RNFT2: variants seen among roughly 807,000 people sequenced by gnomAD.
The protein encoded by RNFT2 is ring finger protein, transmembrane 2.
A neutral mutation model predicts 53.0 loss-of-function variants in RNFT2; 36 were observed. The ratio of observed to expected loss-of-function variants is 0.68; its 90% CI spans 0.52 to 0.90. The LOEUF (loss-of-function observed/expected upper bound fraction) is 0.90. RNFT2 is among the 40% of genes least tolerant of loss of function. The pLI is 0.00. For missense variants in RNFT2, 514 were observed against 585.6 expected (o/e 0.88, Z 1.26); for synonymous variants, 260 against 253.2 (o/e 1.03, Z -0.26).
At chr12:116,808,376 C>T (rs1875189082) in intron 7 of RNFT2, among the ~76,000 whole-genome samples, 1 of 152,216 alleles carries the variant, frequency 6.6e-6, no homozygotes, top group Non-Finnish European at 1.5e-5. Flanking sequence ...AGGTGCGAGC[C>T]GCTGCATCCA....
At chr12:116,754,145 G>A in intron 5 of RNFT2, 85 bp downstream of exon 5, 1 of 1,067,358 alleles carries the variant, frequency 9.4e-7, no homozygotes, top group East Asian at 2.4e-5. Flanking sequence ...CAAGTCTCCA[G>A]AGTTCATTGT....
intron 6 of RNFT2, among the ~76,000 whole-genome samples, chr12:116,775,276 A>AG (rs1440223355): frequency 6.8e-6 from 1 of 146,038 alleles, no homozygotes; most frequent in African/African-American, 2.6e-5. Context: ...AAAAAAAAAA[A>AG]AAAGAGAGAG....
chr12:116,848,098 T>C (rs1429993398), intron 10 of RNFT2, among the ~76,000 whole-genome samples: 1 of 152,142 alleles, frequency 6.6e-6, no homozygotes, highest in African/African-American at 2.4e-5. Flanking sequence ...CATGTGGTGT[T>C]TGGTTTTCTG....
intron 3 of RNFT2, among the ~76,000 whole-genome samples, chr12:116,743,507 G>T (rs1871747551): frequency 1.3e-5 from 2 of 152,146 alleles, no homozygotes; most frequent in African/African-American, 2.4e-5. Context: ...AGCTTGGGCA[G>T]TCTGCCCACC....
chr12:116,740,624 C>T, intron 2 of RNFT2, 103 bp downstream of exon 2: 2 of 1,044,768 alleles, frequency 1.9e-6, no homozygotes, highest in East Asian at 2.6e-5. Flanking sequence ...CCATGTAACA[C>T]ATGGGGAATC....
chr12:116,750,222 G>C lies in RNFT2; in HGVS notation c.465G>C (p.Glu155Asp). 1 of 1,607,072 alleles carries C rather than the reference G, an allele frequency of 6.2e-7. No individual in the cohort carries two copies. Among genetic ancestry groups the C allele is most frequent in the Non-Finnish European group, 8.5e-7 (1 of 1,179,168 alleles). ...QPGTPAPALS[E>D]LKAVICWLQK... ...GGACGCCCGCCCCCGCCCTGTCCGA[G>C]CTGAAGGCTGTGATCTGCTGGCTCC... The change falls in exon 4 of 11, where the codon GAG becomes GAC. Residue 155 changes from glutamate to aspartate, a missense_variant. This residue lies in a region of RNFT2 where 237 missense variants were observed against 235.1 expected (regional missense o/e 1.01). Transcript: ENST00000257575.
chr12:116,816,115 G>A (rs1042771448), intron 7 of RNFT2, among the ~76,000 whole-genome samples: 1 of 152,224 alleles, frequency 6.6e-6, no homozygotes, highest in Admixed American at 6.5e-5. Context: ...ACAGAGGGAA[G>A]AGAACGCCTT....
chr12:116,797,938 T>A (rs903568890), intron 7 of RNFT2, among the ~76,000 whole-genome samples: 1 of 152,126 alleles, frequency 6.6e-6, no homozygotes, highest in Non-Finnish European at 1.5e-5. Flanking sequence ...ATGGCAATGG[T>A]AAACTAACAT....
In RNFT2 at chr12:116,779,323, A is replaced by G; in HGVS notation, c.857A>G (p.Lys286Arg). 6.2e-7 allele frequency: 1 copy of G among 1,614,006 alleles called. No homozygotes were observed. The highest frequency in any genetic ancestry group is 8.5e-7 in the Non-Finnish European group (1 of 1,179,874). Residue 286 changes from lysine to arginine, a missense_variant, in exon 7 of 11, where the codon AAG (lysine) becomes AGG (arginine). Physicochemically the swap from Lys to Arg is conservative, Grantham distance 26. This residue lies in a region of RNFT2 where 273 missense variants were observed against 334.4 expected (regional missense o/e 0.82). Transcript: ENST00000257575. The stretch of plus-strand genomic sequence containing the variant: ...AAGTGCCTCATCGTGGCCCTGCCCA[A>G]GATCATCCTGGCTGTCAAGTCCAAG... ...ALKCLIVALP[K>R]IILAVKSKGK...
At chr12:116,744,838 T>G (rs891813843) in intron 3 of RNFT2, among the ~76,000 whole-genome samples, 1 of 152,112 alleles carries the variant, frequency 6.6e-6, no homozygotes, top group Non-Finnish European at 1.5e-5. Flanking sequence ...CTGAGCCCAG[T>G]GAACTCAGAG....
intron 1 of RNFT2, among the ~76,000 whole-genome samples, chr12:116,739,660 G>A (rs1871501153): frequency 6.6e-6 from 1 of 152,202 alleles, no homozygotes; most frequent in African/African-American, 2.4e-5. Context: ...AAGGCCCTGA[G>A]GCAGGGACAC....
chr12:116,843,142 G>A (rs1041700557), intron 10 of RNFT2, among the ~76,000 whole-genome samples: 2 of 152,098 alleles, frequency 1.3e-5, no homozygotes, highest in African/African-American at 4.8e-5. Flanking sequence ...GTGAGGGTGA[G>A]GTGACTGGTT....
intron 6 of RNFT2, among the ~76,000 whole-genome samples, 190 bp from the exon 7 acceptor site, chr12:116,779,003 CAG>C (rs533412155): frequency 6.1e-4 from 93 of 152,332 alleles, no homozygotes; most frequent in Non-Finnish European, 1.1e-3. Context: ...AACTAAGACT[CAG>C]AGAGGTTAAA....
At chr12:116,824,702 G>C (rs1446193500) in intron 7 of RNFT2, among the ~76,000 whole-genome samples, 7 of 152,190 alleles carry the variant, frequency 4.6e-5, no homozygotes, top group Admixed American at 3.9e-4. Context: ...CTTGCAGAAG[G>C]TTGTCTTCTC....
chr12:116,840,918 G>A (rs1377574300), intron 10 of RNFT2, among the ~76,000 whole-genome samples: 1 of 65,136 alleles, frequency 1.5e-5, no homozygotes, highest in Non-Finnish European at 5.6e-5. Context: ...TTAGGGGTAT[G>A]TGTCTGTGTG....
chr12:116,801,736 A>G lies in RNFT2; in HGVS notation c.882+22388A>G, dbSNP rs541822478. Among the ~76,000 whole-genome samples the G allele has an allele frequency of 4.5e-4, 69 of 152,320 alleles. No individual in the cohort carries two copies. The South Asian group carries it at 0.014, about 30-fold the overall frequency. ...CGAACAGAATACCGTTTTTCAAACT[A>G]TGTTTCTGGGCCCTTAGGGAGATGT... On this transcript the variant is annotated intron_variant, in intron 7 of 10. Transcript: ENST00000257575.
At chr12:116,789,562 GATAGATGA>G in intron 7 of RNFT2, among the ~76,000 whole-genome samples, 1 of 146,402 alleles carries the variant, frequency 6.8e-6, no homozygotes, top group African/African-American at 2.5e-5. Flanking sequence ...TGAGTAGATG[GATAGATGA>G]GTGGATGGGT....
Position 116,852,075 on chromosome 12 carries a change from C to T in RNFT2, c.*2627C>T. 1 of 1,100,932 alleles carries T rather than the reference C, an allele frequency of 9.1e-7. No individual in the cohort carries two copies. Among genetic ancestry groups the T allele is most frequent in the Non-Finnish European group, 1.3e-6 (1 of 799,372 alleles). 68.2% of individuals were successfully genotyped at this position (1,100,932 alleles called of 1,614,324 possible). A position where few individuals can be genotyped will look rare whatever the true frequency, so the allele number is the denominator to read the frequency against. On this transcript the variant is annotated 3_prime_UTR_variant, in exon 11 of 11. Coordinates refer to ENST00000257575, the MANE Select transcript of RNFT2 (RefSeq NM_001382266.1). Reference sequence around the variant, plus strand: ...CCACTTCTCCACCTCTGAAATGTTCCCTGCTCTGAAATCTGGCATGAGATG... The same window carrying T: ...CCACTTCTCCACCTCTGAAATGTTCTCTGCTCTGAAATCTGGCATGAGATG...
At chr12:116,762,901 C>A (rs1471019363) in intron 5 of RNFT2, among the ~76,000 whole-genome samples, 1 of 152,098 alleles carries the variant, frequency 6.6e-6, no homozygotes, top group Non-Finnish European at 1.5e-5. Context: ...CGTGAGCCAC[C>A]ATACCTGGCT....
Sources: gnomAD v4.1 joint callset for allele counts (sites outside exome capture counted in the v4.1 genomes callset) on GRCh38, gnomAD v4.1.1 for gene constraint, gnomAD v4.1.1 regional missense constraint, MANE v1.5 for transcripts, NCBI Gene and HGNC (gene_info 2026-07-23, HGNC 2026-07-21) for gene names.